Variants in CPEB1 observed in about 807,000 individuals in gnomAD.
CPEB1 encodes cytoplasmic polyadenylation element-binding protein 1.
CPEB1 carries 7 observed loss-of-function variants against 65.8 expected under a neutral mutation model. That is an observed-to-expected ratio of 0.11 (90% CI 0.06 to 0.20). CPEB1 has a LOEUF of 0.20. Among genes scored for constraint, CPEB1 ranks in the 10% least tolerant of loss-of-function variants. The pLI is 1.00. For missense variants in CPEB1, 551 were observed against 712.2 expected (o/e 0.77, Z 2.58); for synonymous variants, 262 against 260.0 (o/e 1.01, Z -0.08).
intron 1 of CPEB1, among the ~76,000 whole-genome samples, chr15:82,638,321 C>G (rs2151374028): frequency 6.6e-6 from 1 of 152,284 alleles, no homozygotes; most frequent in South Asian, 2.1e-4. Context: ...ATCTTTTACT[C>G]CTATCTGTTA....
At chr15:82,608,231 A>G (rs1354324131) in intron 3 of CPEB1, among the ~76,000 whole-genome samples, 1 of 151,870 alleles carries the variant, frequency 6.6e-6, no homozygotes, top group Non-Finnish European at 1.5e-5. Flanking sequence ...CTGTTGCCTA[A>G]TGCCTCAGGC....
At chr15:82,592,273 T>C (rs2042319746) in intron 3 of CPEB1, among the ~76,000 whole-genome samples, 1 of 152,176 alleles carries the variant, frequency 6.6e-6, no homozygotes, top group Admixed American at 6.5e-5. Flanking sequence ...CACAACCTTT[T>C]TGGTTTCCCA....
At chr15:82,599,938 GAC>G (rs2042963680) in intron 3 of CPEB1, among the ~76,000 whole-genome samples, 1 of 151,960 alleles carries the variant, frequency 6.6e-6, no homozygotes, top group South Asian at 2.1e-4. Context: ...AAATATCAAA[GAC>G]ACAAAAGATA....
In CPEB1 at chr15:82,543,473, A is replaced by ATT. The variant is rs2034642397; in HGVS notation, c.*1118_*1119insAA. 2.0e-5 allele frequency: 3 copies of ATT among 151,142 alleles called. No individual in the cohort carries two copies. Among genetic ancestry groups the ATT allele is most frequent in the Non-Finnish European group, 4.4e-5 (3 of 67,778 alleles). 9.4% of individuals were successfully genotyped at this position (151,142 alleles called of 1,614,324 possible). ...TTTTGTTTCTTTTTAAAAAAAAAAA[A>ATT]AAAAAAAAAAAGGAAAGAAAAAAAA... On this transcript the variant is annotated 3_prime_UTR_variant, in exon 13 of 13. Coordinates refer to ENST00000684509, the MANE Select transcript of CPEB1 (RefSeq NM_001365242.1).
At chr15:82,595,672 A>G (rs993272230) in intron 3 of CPEB1, among the ~76,000 whole-genome samples, 2 of 152,266 alleles carry the variant, frequency 1.3e-5, no homozygotes, top group Non-Finnish European at 2.9e-5. Context: ...GTAAAGTAAA[A>G]TAAGCATTTA....
chr15:82,633,615 T>C (rs1347481753), intron 1 of CPEB1, among the ~76,000 whole-genome samples: 7 of 152,106 alleles, frequency 4.6e-5, no homozygotes, highest in Non-Finnish European at 1.0e-4. Flanking sequence ...TCAGGTGATC[T>C]GCCTGCCTCA....
chr15:82,552,299 C>CTTTT (rs112872369), intron 9 of CPEB1, among the ~76,000 whole-genome samples, 181 bp downstream of exon 9: 2 of 139,364 alleles, frequency 1.4e-5, no homozygotes, highest in African/African-American at 5.2e-5. Flanking sequence ...CCAAAGGTTG[C>CTTTT]TTTTTTTTTT....
chr15:82,571,229 G>A, intron 4 of CPEB1, 115 bp downstream of exon 4: 1 of 1,321,786 alleles, frequency 7.6e-7, no homozygotes. Context: ...CATGTTGTAT[G>A]TGTGTATGGT....
intron 6 of CPEB1, among the ~76,000 whole-genome samples, chr15:82,555,036 TG>T (rs1242751556): frequency 2.0e-5 from 3 of 152,148 alleles, no homozygotes. Flanking sequence ...CTGAAGCCTA[TG>T]GAAACAAATG....
In CPEB1 at chr15:82,645,233, A is replaced by G. The variant is rs117079817; in HGVS notation, c.-98+1904T>C. Among the ~76,000 whole-genome samples the G allele has an allele frequency of 5.4e-3, 824 of 152,242 alleles. 7 individuals carry two copies. The highest frequency in any genetic ancestry group is 8.8e-3 in the Non-Finnish European group (598 of 68,000). On this transcript the variant is annotated intron_variant, in intron 1 of 12. Transcript: ENST00000684509. ...CAGTGGCTGATCTCGGCTCACTGCA[A>G]CTTCCACTTCCTGGGTTTAAGCGAT...
intron 3 of CPEB1, among the ~76,000 whole-genome samples, chr15:82,584,273 A>C (rs1352211949): frequency 6.6e-6 from 1 of 151,322 alleles, no homozygotes; most frequent in Non-Finnish European, 1.5e-5. Context: ...AAAAAAAAAA[A>C]AAAAAAAAAA....
intron 3 of CPEB1, among the ~76,000 whole-genome samples, chr15:82,580,290 C>CA (rs1438992375): frequency 4.0e-5 from 6 of 149,138 alleles, no homozygotes; most frequent in African/African-American, 1.5e-4. Flanking sequence ...CACTGCACTC[C>CA]AGCCTGGAGA....
intron 1 of CPEB1, chr15:82,629,996 C>T: frequency 1.0e-6 from 1 of 985,432 alleles, no homozygotes; most frequent in Non-Finnish European, 1.2e-6. Context: ...AGAGTGGTGC[C>T]ATTGAGAACT....
At chr15:82,564,331 G>A (rs1283641884) in intron 4 of CPEB1, among the ~76,000 whole-genome samples, 1 of 152,120 alleles carries the variant, frequency 6.6e-6, no homozygotes, top group Non-Finnish European at 1.5e-5. Flanking sequence ...TGTTGCCCAG[G>A]CTGGAGTGCG....
chr15:82,632,188 T>C (rs963142026), intron 1 of CPEB1, among the ~76,000 whole-genome samples: 1 of 152,016 alleles, frequency 6.6e-6, no homozygotes, highest in African/African-American at 2.4e-5. Context: ...TTCACCACAT[T>C]AGTCAGGATG....
rs923070859 is a variant in CPEB1 at position 82,627,265 on chromosome 15, A to T, written c.199T>A (p.Leu67Met). ...CTACTGAAATCCAGAGAATTATCCA[A>T]TATGGCATTTATCCTTCGAAAGATA... is the stretch of plus-strand genomic sequence containing the variant. ...ANIFRRINAI[L>M]DNSLDFSRVC... Residue 67 changes from leucine to methionine, a missense_variant, in exon 3 of 13, where the codon TTG (leucine) becomes ATG (methionine). Around this residue, in one of 6 missense-constraint regions of CPEB1, gnomAD observed 223 missense variants for 228.6 expected, o/e 0.98. Coordinates refer to ENST00000684509, the MANE Select transcript of CPEB1 (RefSeq NM_001365242.1). 6.2e-7 allele frequency: 1 copy of T among 1,613,698 alleles called. No individual in the cohort carries two copies. Among genetic ancestry groups the T allele is most frequent in the Non-Finnish European group, 8.5e-7 (1 of 1,179,744 alleles).
At chr15:82,596,697 CAAAAAAAAAAAAA>C (rs59895391) in intron 3 of CPEB1, among the ~76,000 whole-genome samples, 1 of 89,118 alleles carries the variant, frequency 1.1e-5, no homozygotes, top group Non-Finnish European at 2.3e-5. Context: ...GACTCTGTCT[CAAAAAAAAAAAAA>C]AAAAAAAAGT....
intron 7 of CPEB1, 24 bp from the exon 8 acceptor site, chr15:82,553,580 G>A (rs200951302): frequency 6.5e-7 from 1 of 1,537,062 alleles, no homozygotes; most frequent in Non-Finnish European, 9.0e-7. Flanking sequence ...GAAAAGAATG[G>A]CAGAAGCTGA....
At chr15:82,588,555 G>A (rs2041981034) in intron 3 of CPEB1, among the ~76,000 whole-genome samples, 1 of 152,098 alleles carries the variant, frequency 6.6e-6, no homozygotes, top group Non-Finnish European at 1.5e-5. Context: ...TGAACATGAT[G>A]TATCTAACCA....
Sources: gnomAD v4.1 joint callset for allele counts (sites outside exome capture counted in the v4.1 genomes callset) on GRCh38, gnomAD v4.1.1 for gene constraint, gnomAD v4.1.1 regional missense constraint, MANE v1.5 for transcripts, NCBI Gene and HGNC (gene_info 2026-07-23, HGNC 2026-07-21) for gene names.